Variants in DNAAF11 observed in about 807,000 individuals in gnomAD.
DNAAF11 encodes the protein dynein axonemal assembly factor 11, also known as leucine rich repeat containing 6.
Under a neutral mutation model 60.8 loss-of-function variants are expected in DNAAF11, and 45 were observed. The ratio of observed to expected loss-of-function variants is 0.74; its 90% CI spans 0.58 to 0.95. The LOEUF (loss-of-function observed/expected upper bound fraction) is 0.95. DNAAF11 is among the 40% of genes least tolerant of loss of function. DNAAF11 has a pLI of 0.00. For synonymous variants in DNAAF11, 191 were observed against 183.5 expected, an observed-to-expected ratio of 1.04 and a Z score of -0.33; for missense variants, 546 against 546.2, an observed-to-expected ratio of 1.00 and a Z score of 0.00.
the DNAAF11 span, among the ~76,000 whole-genome samples, chr8:132,702,867 C>T: frequency 9.2e-5 from 14 of 152,254 alleles, no homozygotes; most frequent in East Asian, 2.3e-3. Flanking sequence ...TGCTACTCTT[C>T]GAAGGACACA....
chr8:132,694,582 G>A, the DNAAF11 span, among the ~76,000 whole-genome samples: 6 of 152,124 alleles, frequency 3.9e-5, no homozygotes, highest in African/African-American at 9.7e-5. Flanking sequence ...AACTAATACA[G>A]GGCAAAGATG....
rs770109105 is a variant in DNAAF11 at position 132,611,319 on chromosome 8, T to G, written c.1019A>C (p.Tyr340Ser). The G allele has an allele frequency of 1.2e-6, 2 of 1,612,552 alleles. No individual in the cohort carries two copies. The highest frequency in any genetic ancestry group is 4.5e-5 in the East Asian group (2 of 44,864). ...CTTTCCTTTGATCATTACTCGCACG[T>G]AAGTTGGTTGCACATCAACATCGAT... ...SLIDVDVQPT[Y>S]VRVMIKGKPF... Residue 340 changes from tyrosine (Y) to serine (S), a missense_variant, in exon 9 of 12, where the codon TAC becomes TCC. Coordinates refer to ENST00000620350, the MANE Select transcript of DNAAF11 (RefSeq NM_012472.6).
At chr8:132,613,365 T>G (rs1052325942) in intron 8 of DNAAF11, among the ~76,000 whole-genome samples, 6 of 152,128 alleles carry the variant, frequency 3.9e-5, no homozygotes, top group Admixed American at 3.3e-4. Context: ...GGAAGGAAAT[T>G]CTGACACGTG....
chr8:132,689,757 T>A, the DNAAF11 span, among the ~76,000 whole-genome samples: 1 of 152,120 alleles, frequency 6.6e-6, no homozygotes. Flanking sequence ...AGTGTCTCAC[T>A]CTGCCACCCA....
At chr8:132,638,396 T>C (rs1821523284) in intron 3 of DNAAF11, among the ~76,000 whole-genome samples, 1 of 152,140 alleles carries the variant, frequency 6.6e-6, no homozygotes, top group Non-Finnish European at 1.5e-5. Flanking sequence ...TCTGATTTGG[T>C]CACTATCTGG....
intron 1 of DNAAF11, among the ~76,000 whole-genome samples, chr8:132,674,019 GAGAAGGAGCAGGAGGAGCAGGAGC>G (rs1825438794): frequency 6.6e-6 from 1 of 151,856 alleles, no homozygotes; most frequent in Non-Finnish European, 1.5e-5. Flanking sequence ...GGAGAAGGAG[GAGAAGGAGCAGGAGGAGCAGGAGC>G]AGAAGGAGCA....
At chr8:132,658,233 C>T (rs1370039660) in intron 2 of DNAAF11, among the ~76,000 whole-genome samples, 1 of 152,200 alleles carries the variant, frequency 6.6e-6, no homozygotes, top group Non-Finnish European at 1.5e-5. Flanking sequence ...AAACATTTCT[C>T]TCAGAATTTA....
intron 3 of DNAAF11, among the ~76,000 whole-genome samples, chr8:132,649,249 C>G (rs1352299512): frequency 2.6e-5 from 4 of 152,026 alleles, no homozygotes; most frequent in Admixed American, 6.6e-5. Context: ...ACAAACCTGA[C>G]AAAAACAAGA....
intron 1 of DNAAF11, among the ~76,000 whole-genome samples, chr8:132,670,159 A>G (rs1586750360): frequency 6.6e-6 from 1 of 152,080 alleles, no homozygotes; most frequent in South Asian, 2.1e-4. Flanking sequence ...AGATTATAAC[A>G]GAAATCAATG....
intron 10 of DNAAF11, among the ~76,000 whole-genome samples, chr8:132,605,240 A>G (rs1818014298): frequency 1.3e-5 from 2 of 152,156 alleles, no homozygotes; most frequent in African/African-American, 2.4e-5. Context: ...GCTGAGTGAA[A>G]TATCAGAATT....
At chr8:132,692,457 G>A in the DNAAF11 span, among the ~76,000 whole-genome samples, 6 of 152,188 alleles carry the variant, frequency 3.9e-5, no homozygotes, top group African/African-American at 1.4e-4. Flanking sequence ...GAGCTTCCAA[G>A]CTGGCCAACC....
chr8:132,681,003 C>CTTTTT, the DNAAF11 span, among the ~76,000 whole-genome samples: 3,461 of 52,014 alleles, frequency 0.067, 884 homozygotes, highest in East Asian at 0.086. Context: ...ATAACTATTC[C>CTTTTT]TTTTTTTTTT....
At chr8:132,595,499 G>A (rs1480671110) in intron 10 of DNAAF11, among the ~76,000 whole-genome samples, 1 of 151,898 alleles carries the variant, frequency 6.6e-6, no homozygotes, top group Non-Finnish European at 1.5e-5. Context: ...AAGTGCCATG[G>A]AAAGCCATTG....
At chr8:132,587,235 A>G (rs1816002931) in intron 10 of DNAAF11, among the ~76,000 whole-genome samples, 1 of 152,188 alleles carries the variant, frequency 6.6e-6, no homozygotes, top group African/African-American at 2.4e-5. Flanking sequence ...GCTGTGCACC[A>G]GAATCTAAAT....
intron 7 of DNAAF11, among the ~76,000 whole-genome samples, chr8:132,619,533 G>A (rs920462352): frequency 6.6e-6 from 1 of 152,012 alleles, no homozygotes; most frequent in African/African-American, 2.4e-5. Flanking sequence ...ACTAAGAATC[G>A]AACACTGAAT....
chr8:132,603,646 GATA>G (rs1817855432), intron 10 of DNAAF11, among the ~76,000 whole-genome samples: 1 of 151,952 alleles, frequency 6.6e-6, no homozygotes, highest in Middle Eastern at 3.4e-3. Flanking sequence ...TGATTTGAGA[GATA>G]ATGAGAAAAG....
intron 3 of DNAAF11, among the ~76,000 whole-genome samples, chr8:132,655,331 G>C (rs1245749538): frequency 6.6e-6 from 1 of 151,836 alleles, no homozygotes; most frequent in Non-Finnish European, 1.5e-5. Context: ...ATTTAAAGAA[G>C]AATTAACACA....
intron 10 of DNAAF11, among the ~76,000 whole-genome samples, chr8:132,597,198 G>C (rs1288238014): frequency 6.6e-6 from 1 of 152,118 alleles, no homozygotes; most frequent in Non-Finnish European, 1.5e-5. Context: ...ACCATATACA[G>C]ATTCATGGAT....
At chr8:132,654,591 A>G (rs1379147318) in intron 3 of DNAAF11, among the ~76,000 whole-genome samples, 1 of 151,944 alleles carries the variant, frequency 6.6e-6, no homozygotes, top group African/African-American at 2.4e-5. Flanking sequence ...TTTGACCTCA[A>G]TGGAGTGAAA....
Sources: gnomAD v4.1 joint callset for allele counts (sites outside exome capture counted in the v4.1 genomes callset) on GRCh38, gnomAD v4.1.1 for gene constraint, MANE v1.5 for transcripts, NCBI Gene and HGNC (gene_info 2026-07-23, HGNC 2026-07-21) for gene names.